The following CRYZ variants were observed in gnomAD, a reference collection of about 807,000 sequenced individuals.
The protein encoded by CRYZ is crystallin zeta.
In CRYZ, 35 loss-of-function variants were observed where a neutral mutation model predicts 34.1. That is an observed-to-expected ratio of 1.03 (90% CI 0.78 to 1.36). CRYZ has a LOEUF of 1.36. Among genes scored for constraint, CRYZ ranks in the 40% most tolerant of loss-of-function variants. The probability of loss-of-function intolerance (pLI) is 0.00; values close to 1 mark genes in which losing one functional copy is unlikely to be tolerated. For missense variants in CRYZ, 403 were observed against 391.8 expected (o/e 1.03, Z -0.24); for synonymous variants, 137 against 136.5 (o/e 1.00, Z -0.03).
chr1:74,732,829 C>T (rs1260471400), intron 1 of CRYZ, 127 bp downstream of exon 1: 1 of 184,956 alleles, frequency 5.4e-6, no homozygotes, highest in East Asian at 1.6e-4. Context: ...GAGCTCTACG[C>T]ACTAGTTCTC....
At chr1:74,727,458 C>CAAAAAAAAAAAA (rs3041452) in intron 1 of CRYZ, among the ~76,000 whole-genome samples, 28 of 71,848 alleles carry the variant, frequency 3.9e-4, no homozygotes, top group Admixed American at 8.1e-4. Flanking sequence ...CTAAAAAATA[C>CAAAAAAAAAAAA]AAAAAAAAAA....
chr1:74,722,965 T>C (rs1647190972), intron 3 of CRYZ, among the ~76,000 whole-genome samples, 153 bp downstream of exon 3: 2 of 152,188 alleles, frequency 1.3e-5, no homozygotes, highest in Non-Finnish European at 2.9e-5. Context: ...ATCTAATTTC[T>C]TAATTCCTTT....
intron 1 of CRYZ, among the ~76,000 whole-genome samples, chr1:74,725,124 C>G (rs1647268709): frequency 6.6e-6 from 1 of 152,194 alleles, no homozygotes; most frequent in African/African-American, 2.4e-5. Flanking sequence ...TTTAGGTTTT[C>G]TTGCTTGAGT....
intron 1 of CRYZ, among the ~76,000 whole-genome samples, chr1:74,729,761 T>G (rs189386162): frequency 2.4e-4 from 36 of 152,262 alleles, no homozygotes; most frequent in Non-Finnish European, 1.9e-4. Flanking sequence ...ACTCTGGTTA[T>G]CAAAACAAGC....
intron 5 of CRYZ, among the ~76,000 whole-genome samples, chr1:74,710,768 T>C (rs956697933): frequency 6.6e-6 from 1 of 152,262 alleles, no homozygotes; most frequent in African/African-American, 2.4e-5. Context: ...TTCATCCATA[T>C]GGTGAATGTT....
At position 74,724,748 on chromosome 1, in the gene CRYZ, C is replaced by A; in HGVS notation, c.74G>T (p.Arg25Leu). 2.5e-6 allele frequency: 4 copies of A among 1,613,162 alleles called. No homozygotes were observed. The highest frequency in any genetic ancestry group is 2.5e-6 in the Non-Finnish European group (3 of 1,179,516). ...EFGGPEVLKL[R>L]SDIAVPIPKD... ...TGGAATCGGTACTGCAATATCTGATCGCAATTTCAGGACTTCTGGCCCACC... is the reference window on the plus strand; with the variant it reads ...TGGAATCGGTACTGCAATATCTGATAGCAATTTCAGGACTTCTGGCCCACC... Residue 25 changes from arginine (R) to leucine (L), a missense_variant, in exon 2 of 9, where the codon CGA (arginine) becomes CTA (leucine). Coordinates refer to ENST00000340866, the MANE Select transcript of CRYZ (RefSeq NM_001889.4).
intron 3 of CRYZ, among the ~76,000 whole-genome samples, chr1:74,721,965 A>G (rs1647171590): frequency 6.6e-6 from 1 of 152,210 alleles, no homozygotes; most frequent in Non-Finnish European, 1.5e-5. Flanking sequence ...ATTTAAGTTG[A>G]ATTTTAAATT....
At chr1:74,721,075 T>C (rs1647155655) in intron 3 of CRYZ, among the ~76,000 whole-genome samples, 1 of 151,998 alleles carries the variant, frequency 6.6e-6, no homozygotes, top group South Asian at 2.1e-4. Flanking sequence ...TCATTACGGG[T>C]GAAGGAAACA....
intron 3 of CRYZ, among the ~76,000 whole-genome samples, chr1:74,722,810 TCTAA>T (rs1647188788): frequency 6.6e-6 from 1 of 152,142 alleles, no homozygotes; most frequent in Admixed American, 6.6e-5. Context: ...TAGGAAATAG[TCTAA>T]CTTCCTTGTG....
Position 74,719,957 on chromosome 1 carries a change from C to G in CRYZ, c.265-585G>C, listed in dbSNP as rs372670224. On this transcript the variant is annotated intron_variant, in intron 3 of 8. Transcript: ENST00000340866. The stretch of plus-strand genomic sequence containing the variant: ...CTCAGTCCATGAAGAGCTTGCTATA[C>G]CAGGCACTGCATTAAGTGTCTCTGG... Among the ~76,000 whole-genome samples, 18 of 152,002 alleles carry G rather than the reference C, an allele frequency of 1.2e-4. 1 individual carries two copies. The highest frequency in any genetic ancestry group is 1.0e-3 in the Admixed American group (16 of 15,256).
chr1:74,714,252 CT>C (rs1226482429), intron 5 of CRYZ, among the ~76,000 whole-genome samples: 4 of 152,116 alleles, frequency 2.6e-5, no homozygotes, highest in African/African-American at 4.8e-5. Flanking sequence ...CCTTAAAGAA[CT>C]GTTTAAAATT....
At position 74,705,909 on chromosome 1, in the gene CRYZ, G is replaced by C. The variant is rs1646921850; in HGVS notation, c.*387C>G. ...TCCAATACAGTCATGGCTAATCAGA[G>C]ACTAGAGAACCTTTATAAAGGTAAG... On this transcript the variant is annotated 3_prime_UTR_variant, in exon 9 of 9. Coordinates refer to ENST00000340866, the MANE Select transcript of CRYZ (RefSeq NM_001889.4). 1.3e-5 allele frequency: 2 copies of C among 157,482 alleles called. No individual in the cohort carries two copies. The highest frequency in any genetic ancestry group is 6.3e-5 in the Admixed American group (1 of 15,910). 9.8% of individuals were successfully genotyped at this position (157,482 alleles called of 1,614,324 possible). A position where few individuals can be genotyped will look rare whatever the true frequency, so the allele number is the denominator to read the frequency against.
At chr1:74,716,922 A>G (rs909934540) in intron 4 of CRYZ, among the ~76,000 whole-genome samples, 1 of 152,190 alleles carries the variant, frequency 6.6e-6, no homozygotes, top group Non-Finnish European at 1.5e-5. Flanking sequence ...CAAATGGCTA[A>G]GTATTACAGA....
Position 74,706,171 on chromosome 1 carries a change from A to C in CRYZ, c.*125T>G, listed in dbSNP as rs1646924979. On this transcript the variant is annotated 3_prime_UTR_variant, in exon 9 of 9. Coordinates refer to ENST00000340866, the MANE Select transcript of CRYZ (RefSeq NM_001889.4). ...CTTCTGCTTCTGCTCTCTAAAGAAAAATCTTATTTTTTCACATAAGAAGCT... is the reference window on the plus strand; with the variant it reads ...CTTCTGCTTCTGCTCTCTAAAGAAACATCTTATTTTTTCACATAAGAAGCT... 1 of 851,324 alleles carries C rather than the reference A, an allele frequency of 1.2e-6. No homozygotes were observed. Among genetic ancestry groups the C allele is most frequent in the East Asian group, 2.7e-5 (1 of 36,830 alleles). The allele number at this position is 851,324 out of a possible 1,614,324, so 52.7% of individuals were successfully genotyped here. A position where few individuals can be genotyped will look rare whatever the true frequency, so the allele number is the denominator to read the frequency against.
intron 1 of CRYZ, among the ~76,000 whole-genome samples, chr1:74,726,255 C>T (rs1647333807): frequency 6.6e-6 from 1 of 152,242 alleles, no homozygotes; most frequent in African/African-American, 2.4e-5. Context: ...AGGGCTCCAT[C>T]CCTGCAGCAT....
At chr1:74,725,788 C>T (rs1647305351) in intron 1 of CRYZ, among the ~76,000 whole-genome samples, 3 of 152,184 alleles carry the variant, frequency 2.0e-5, no homozygotes, top group South Asian at 4.1e-4. Flanking sequence ...AAGTTAGTTA[C>T]TTCCTAGATA....
intron 1 of CRYZ, among the ~76,000 whole-genome samples, chr1:74,731,599 G>T (rs28654603): frequency 0.39 from 59,757 of 151,982 alleles, 14,393 homozygotes; most frequent in Non-Finnish European, 0.55. Flanking sequence ...AAGAAGAGGG[G>T]AGGAGTTTAA....
intron 3 of CRYZ, among the ~76,000 whole-genome samples, chr1:74,720,626 T>C (rs1215615834): frequency 2.6e-5 from 4 of 152,080 alleles, no homozygotes; most frequent in Non-Finnish European, 5.9e-5. Flanking sequence ...TCTGATAGGA[T>C]AAAGACAAAA....
chr1:74,709,186 T>C lies in CRYZ; in HGVS notation c.630+912A>G, dbSNP rs547253272. Among the ~76,000 whole-genome samples the C allele has an allele frequency of 3.3e-5, 5 of 152,154 alleles. No homozygotes were observed. In the East Asian group the frequency reaches 9.7e-4, roughly 29 times the overall value. Reference sequence around the variant, plus strand: ...TAAGATAAAGGTTAAGAGAATGTTTTTGAGAATGGGAGAGACTTAAGCAGA... The same window carrying C: ...TAAGATAAAGGTTAAGAGAATGTTTCTGAGAATGGGAGAGACTTAAGCAGA... On this transcript the variant is annotated intron_variant, in intron 6 of 8. Coordinates refer to ENST00000340866, the MANE Select transcript of CRYZ (RefSeq NM_001889.4).
Sources: allele counts gnomAD v4.1 joint callset (sites outside exome capture counted in the v4.1 genomes callset), GRCh38; gene constraint gnomAD v4.1.1; transcripts MANE v1.5; gene names NCBI Gene and HGNC (gene_info 2026-07-23, HGNC 2026-07-21).